CLPB: variants seen among roughly 807,000 people sequenced by gnomAD.
CLPB encodes the protein mitochondrial disaggregase.
In CLPB, 40 loss-of-function variants were observed where a neutral mutation model predicts 78.4. The observed-to-expected ratio is 0.51, with a 90% confidence interval of 0.40 to 0.66. The LOEUF (loss-of-function observed/expected upper bound fraction) is 0.66. Ranked by LOEUF, CLPB falls within the 30% of genes least tolerant of loss-of-function variation. The probability of loss-of-function intolerance (pLI) is 0.00; values close to 1 mark genes in which losing one functional copy is unlikely to be tolerated. For missense variants in CLPB, 780 were observed against 886.9 expected, an observed-to-expected ratio of 0.88 and a Z score of 1.53; for synonymous variants, 333 against 348.0, an observed-to-expected ratio of 0.96 and a Z score of 0.48.
chr11:72,380,797 A>G (rs1854887389), intron 3 of CLPB, among the ~76,000 whole-genome samples: 1 of 152,252 alleles, frequency 6.6e-6, no homozygotes, highest in Non-Finnish European at 1.5e-5. Context: ...ACAATTACTT[A>G]TCAAATGCCT....
chr11:72,298,819 T>G (rs578074619), intron 11 of CLPB, among the ~76,000 whole-genome samples: 2 of 152,328 alleles, frequency 1.3e-5, no homozygotes, highest in Admixed American at 1.3e-4. Context: ...CCTACTTCTC[T>G]GGCGAGTCTG....
chr11:72,363,654 A>G (rs1950884398), intron 4 of CLPB: 1 of 152,246 alleles, frequency 6.6e-6, no homozygotes, highest in South Asian at 2.1e-4. Context: ...AAGTACTATC[A>G]TCTCTATTGA....
chr11:72,357,968 A>G (rs1160923032), intron 5 of CLPB, among the ~76,000 whole-genome samples: 1 of 152,168 alleles, frequency 6.6e-6, no homozygotes, highest in Non-Finnish European at 1.5e-5. Flanking sequence ...GGAGGCATGA[A>G]CAGGCAGTCA....
At chr11:72,326,123 G>A (rs1483638163) in intron 6 of CLPB, among the ~76,000 whole-genome samples, 1 of 152,150 alleles carries the variant, frequency 6.6e-6, no homozygotes, top group Non-Finnish European at 1.5e-5. Context: ...TACAGGGTTA[G>A]AAAAATATGT....
At chr11:72,351,945 A>G (rs1950621527) in intron 5 of CLPB, among the ~76,000 whole-genome samples, 1 of 152,130 alleles carries the variant, frequency 6.6e-6, no homozygotes, top group Admixed American at 6.5e-5. Context: ...TAAGGATACA[A>G]CTCAATTTTC....
At chr11:72,388,373 C>T (rs2135037724) in intron 3 of CLPB, among the ~76,000 whole-genome samples, 1 of 152,002 alleles carries the variant, frequency 6.6e-6, no homozygotes, top group Non-Finnish European at 1.5e-5. Flanking sequence ...GCCTCAGCCT[C>T]CTGAGTAGCT....
intron 7 of CLPB, among the ~76,000 whole-genome samples, chr11:72,309,304 G>A (rs2135514079): frequency 6.6e-6 from 1 of 152,250 alleles, no homozygotes; most frequent in South Asian, 2.1e-4. Flanking sequence ...GCTAGAGCAA[G>A]ACCTGACCTC....
rs79587525 is a variant in CLPB, at chr11:72,285,968, T to G, written c.*7399A>C. The G allele has an allele frequency of 6.6e-6, 1 of 151,612 alleles. No homozygotes were observed. Among genetic ancestry groups the G allele is most frequent in the African/African-American group, 2.4e-5 (1 of 41,276 alleles). The allele number at this position is 151,612 out of a possible 1,614,324, so 9.4% of individuals were successfully genotyped here. On this transcript the variant is annotated 3_prime_UTR_variant, in exon 16 of 16. Transcript: ENST00000538039. ...TCTACTATAGCCTTTTTTTTTTTTT[T>G]GGAGATAGGCTGGAGTGCAGTGGCA...
rs1336825579 is a variant in CLPB at position 72,303,361 on chromosome 11, G to A, written c.1123-1013C>T. Among the ~76,000 whole-genome samples the A allele has an allele frequency of 3.3e-5, 5 of 152,192 alleles. No homozygotes were observed. The East Asian group carries it at 9.6e-4, about 29-fold the overall frequency. On this transcript the variant is annotated intron_variant, in intron 9 of 15. Coordinates refer to ENST00000538039, the MANE Select transcript of CLPB (RefSeq NM_001258392.3). ...AGGGCTATATTCTAGCTTGGCCACT[G>A]GTCAGAAATTCACGCCATGATGTAC...
intron 8 of CLPB, among the ~76,000 whole-genome samples, chr11:72,307,584 G>A (rs1237668442): frequency 1.3e-5 from 2 of 152,068 alleles, no homozygotes; most frequent in African/African-American, 4.8e-5. Context: ...ACCTCTTCTA[G>A]GAGTCCCCAG....
chr11:72,302,148 T>G, intron 10 of CLPB, 156 bp downstream of exon 10: 1 of 963,752 alleles, frequency 1.0e-6, no homozygotes, highest in Non-Finnish European at 1.6e-6. Context: ...GAGCAAATCC[T>G]ATGTGAAACA....
rs564322799 is a variant in CLPB, at chr11:72,406,843, CTCT to C, written c.456-3794_456-3792del. On this transcript the variant is annotated intron_variant, in intron 2 of 15. Coordinates refer to ENST00000538039, the MANE Select transcript of CLPB (RefSeq NM_001258392.3). The stretch of plus-strand genomic sequence containing the variant: ...AAGACCTGAGCCAGGCAAGATCTAT[CTCT>C]TCTTTTCCTTCCCTCCTTCCTTCTT... Among the ~76,000 whole-genome samples the C allele has an allele frequency of 1.5e-3, 231 of 152,186 alleles. 1 individual carries two copies. Among genetic ancestry groups the C allele is most frequent in the African/African-American group, 5.5e-3 (228 of 41,530 alleles).
At chr11:72,296,465 G>A (rs1052375549) in intron 11 of CLPB, among the ~76,000 whole-genome samples, 1 of 152,198 alleles carries the variant, frequency 6.6e-6, no homozygotes, top group Non-Finnish European at 1.5e-5. Context: ...GGCAGAGACA[G>A]AAGAATGATA....
At chr11:72,415,068 T>C (rs971774121) in intron 2 of CLPB, among the ~76,000 whole-genome samples, 1 of 151,948 alleles carries the variant, frequency 6.6e-6, no homozygotes, top group African/African-American at 2.4e-5. Context: ...ATACAAAAAT[T>C]AGCCAGGCAT....
At chr11:72,299,400 TC>T (rs1423190422) in intron 11 of CLPB, among the ~76,000 whole-genome samples, 2 of 152,232 alleles carry the variant, frequency 1.3e-5, no homozygotes, top group Non-Finnish European at 2.9e-5. Context: ...AATGCAAACT[TC>T]TGTGCCTGGC....
intron 11 of CLPB, among the ~76,000 whole-genome samples, chr11:72,300,949 G>C (rs997634972): frequency 6.6e-6 from 1 of 152,210 alleles, no homozygotes; most frequent in Non-Finnish European, 1.5e-5. Flanking sequence ...GGTATGGGGG[G>C]AGAATTGGGG....
chr11:72,397,177 G>A (rs2135064224), intron 3 of CLPB, among the ~76,000 whole-genome samples: 1 of 152,264 alleles, frequency 6.6e-6, no homozygotes, highest in Admixed American at 6.5e-5. Context: ...AGCTTTTTGT[G>A]TTGGTTTTAG....
intron 2 of CLPB, among the ~76,000 whole-genome samples, chr11:72,410,020 G>A (rs1376961299): frequency 6.6e-6 from 1 of 151,856 alleles, no homozygotes; most frequent in African/African-American, 2.4e-5. Context: ...CCTGAGGTCA[G>A]GAGTTTGAGA....
intron 5 of CLPB, among the ~76,000 whole-genome samples, chr11:72,339,477 G>A (rs1022722839): frequency 4.6e-5 from 7 of 152,278 alleles, no homozygotes; most frequent in Non-Finnish European, 8.8e-5. Context: ...GGGAACATCC[G>A]AAAATAGAAT....
Sources: gnomAD v4.1 joint callset for allele counts (sites outside exome capture counted in the v4.1 genomes callset) on GRCh38, gnomAD v4.1.1 for gene constraint, MANE v1.5 for transcripts, NCBI Gene and HGNC (gene_info 2026-07-23, HGNC 2026-07-21) for gene names.